Variants in PDE1A observed in about 807,000 individuals in gnomAD.
PDE1A encodes the protein phosphodiesterase 1A, also known as dual specificity calcium/calmodulin-dependent 3',5'-cyclic nucleotide phosphodiesterase 1A.
A neutral mutation model predicts 61.7 loss-of-function variants in PDE1A; 35 were observed. The observed-to-expected ratio is 0.57, with a 90% CI of 0.43 to 0.75. The LOEUF (loss-of-function observed/expected upper bound fraction) is 0.75. PDE1A is among the 30% of genes least tolerant of loss of function. The pLI, the probability that PDE1A is intolerant of heterozygous loss-of-function variation, is 0.00. For missense variants in PDE1A, 597 were observed against 630.6 expected, an observed-to-expected ratio of 0.95 and a Z score of 0.57; for synonymous variants, 232 against 213.2, an observed-to-expected ratio of 1.09 and a Z score of -0.77.
intron 2 of PDE1A, among the ~76,000 whole-genome samples, chr2:182,469,649 C>T (rs868639424): frequency 1.3e-5 from 2 of 151,952 alleles, no homozygotes; most frequent in Non-Finnish European, 2.9e-5. Context: ...ACTTGGCTTA[C>T]TCTTTGGTGC....
At chr2:182,193,559 C>T (rs1042364536) in intron 10 of PDE1A, among the ~76,000 whole-genome samples, 31 of 151,954 alleles carry the variant, frequency 2.0e-4, no homozygotes, top group African/African-American at 7.0e-4. Context: ...ACTAATCTAG[C>T]CTTATTTGGA....
chr2:182,607,312 C>A, the PDE1A span, among the ~76,000 whole-genome samples: 3 of 152,110 alleles, frequency 2.0e-5, no homozygotes, highest in Admixed American at 6.5e-5. Flanking sequence ...TCAAAATAAA[C>A]CATAAATATC....
At chr2:182,564,345 T>C in the PDE1A span, among the ~76,000 whole-genome samples, 4 of 152,240 alleles carry the variant, frequency 2.6e-5, no homozygotes, top group African/African-American at 9.6e-5. Flanking sequence ...AACTTCTGGG[T>C]TGAAAATTCT....
At chr2:182,177,454 A>C (rs1274784042) in intron 13 of PDE1A, among the ~76,000 whole-genome samples, 3 of 151,924 alleles carry the variant, frequency 2.0e-5, no homozygotes, top group Non-Finnish European at 4.4e-5. Flanking sequence ...TTTCTTCTAG[A>C]TTTTCTAGCT....
chr2:182,547,030 G>T, the PDE1A span, among the ~76,000 whole-genome samples: 1 of 152,140 alleles, frequency 6.6e-6, no homozygotes, highest in Non-Finnish European at 1.5e-5. Context: ...GCTAACTGAA[G>T]TTAGTGCTCC....
At chr2:182,171,990 A>C (rs746353763) in intron 13 of PDE1A, among the ~76,000 whole-genome samples, 1 of 151,966 alleles carries the variant, frequency 6.6e-6, no homozygotes, top group Non-Finnish European at 1.5e-5. Context: ...CATATTGCAA[A>C]GTACAATTAG....
chr2:182,285,108 C>T (rs76783075), intron 1 of PDE1A, among the ~76,000 whole-genome samples: 10,728 of 152,172 alleles, frequency 0.07, 516 homozygotes, highest in Non-Finnish European at 0.11. Flanking sequence ...CTGATTCCCT[C>T]CCCAGTGCCT....
intron 1 of PDE1A, among the ~76,000 whole-genome samples, chr2:182,269,720 G>C (rs1692884638): frequency 6.6e-6 from 1 of 151,954 alleles, no homozygotes. Flanking sequence ...GTAGATACTA[G>C]TTGTTTAAGA....
chr2:182,140,884 TAGAG>T (rs34181578), exon 15 of PDE1A: 1 of 151,246 alleles, frequency 6.6e-6, no homozygotes, highest in Non-Finnish European at 1.5e-5. Context: ...GTATAGCAGA[TAGAG>T]AGAGATTAGG....
At chr2:182,201,342 G>C (rs1188516088) in intron 10 of PDE1A, 97 bp downstream of exon 10, 24 of 1,440,618 alleles carry the variant, frequency 1.7e-5, no homozygotes, top group Non-Finnish European at 2.2e-5. Flanking sequence ...GTTGATAATA[G>C]TAAGTCACAA....
the PDE1A span, among the ~76,000 whole-genome samples, chr2:182,624,273 A>G: frequency 1.3e-5 from 2 of 152,216 alleles, no homozygotes; most frequent in African/African-American, 4.8e-5. Flanking sequence ...GCCTCCTGCT[A>G]GCTACTATGC....
rs369079543 is a variant in PDE1A, at chr2:182,231,110, C to T, written c.439G>A (p.Asp147Asn). 66 of 1,591,070 alleles carry T rather than the reference C, an allele frequency of 4.1e-5. No individual in the cohort carries two copies. The highest frequency in any genetic ancestry group is 5.6e-5 in the South Asian group (5 of 90,058). ...CTTGCTTCATTTAGGGCAAATACAT[C>T]GAAAGACCATTTATCAACATCCTGT... Residue 147 changes from aspartate to asparagine, a missense_variant, in exon 5 of 14, where the codon GAT becomes AAT. By Grantham distance (23) the Asp-to-Asn change is conservative. Transcript: ENST00000351439.
At chr2:182,485,927 T>C (rs1687993847) in intron 2 of PDE1A, among the ~76,000 whole-genome samples, 2 of 152,046 alleles carry the variant, frequency 1.3e-5, no homozygotes, top group South Asian at 4.1e-4. Context: ...GCTTCACTAC[T>C]ATTTATTATC....
downstream of PDE1A, among the ~76,000 whole-genome samples, chr2:182,143,482 T>C (rs1262992113): frequency 6.6e-6 from 1 of 152,018 alleles, no homozygotes; most frequent in Non-Finnish European, 1.5e-5. Flanking sequence ...AGGGCTTTCT[T>C]TTTTTAAAAA....
intron 2 of PDE1A, among the ~76,000 whole-genome samples, chr2:182,500,938 C>T (rs1279364700): frequency 2.0e-5 from 3 of 152,204 alleles, no homozygotes; most frequent in Non-Finnish European, 2.9e-5. Context: ...CACCAATGTA[C>T]ATAATTTTGT....
In PDE1A at chr2:182,313,100, A is replaced by T. The variant is rs111266742; in HGVS notation, c.54-48686T>A. ...TCCTATTATCTTGCTAAACGTACTTATTAGTTCTAGGAGTTTTAAAAAGTA... is the reference window on the plus strand; with the variant it reads ...TCCTATTATCTTGCTAAACGTACTTTTTAGTTCTAGGAGTTTTAAAAAGTA... On this transcript the variant is annotated intron_variant, in intron 1 of 13. Coordinates refer to ENST00000351439, the Ensembl canonical transcript of PDE1A. Among the ~76,000 whole-genome samples the T allele has an allele frequency of 8.5e-3, 1,294 of 152,320 alleles. 21 individuals are homozygous for T. The highest frequency in any genetic ancestry group is 0.068 in the South Asian group (326 of 4,826).
downstream of PDE1A, among the ~76,000 whole-genome samples, chr2:182,144,466 C>T (rs1690389427): frequency 6.6e-6 from 1 of 152,154 alleles, no homozygotes; most frequent in Admixed American, 6.5e-5. Flanking sequence ...CGAAATTATA[C>T]AACAATGTGA....
chr2:182,222,532 A>C (rs1199254459), intron 7 of PDE1A, among the ~76,000 whole-genome samples: 2 of 152,038 alleles, frequency 1.3e-5, no homozygotes. Context: ...GAACCTTCAT[A>C]TAAACAATGG....
intron 13 of PDE1A, among the ~76,000 whole-genome samples, chr2:182,180,441 G>A (rs941580543): frequency 6.6e-6 from 1 of 152,120 alleles, no homozygotes; most frequent in African/African-American, 2.4e-5. Context: ...TAGGGTTTCT[G>A]CTGAGAGATC....
Sources: gnomAD v4.1 joint callset for allele counts (sites outside exome capture counted in the v4.1 genomes callset) on GRCh38, gnomAD v4.1.1 for gene constraint, MANE v1.5 for transcripts, NCBI Gene and HGNC (gene_info 2026-07-23, HGNC 2026-07-21) for gene names.